NELL1: variants seen among roughly 807,000 people sequenced by gnomAD.
The protein encoded by NELL1 is protein kinase C-binding protein NELL1.
Under a neutral mutation model 107.4 loss-of-function variants are expected in NELL1, and 76 were observed. The ratio of observed to expected loss-of-function variants is 0.71; its 90% CI spans 0.59 to 0.86. The LOEUF is 0.86. Ranked by LOEUF, NELL1 falls within the 40% of genes least tolerant of loss-of-function variation. NELL1 has a pLI of 0.00. For synonymous variants in NELL1, 353 were observed against 341.2 expected, an observed-to-expected ratio of 1.03 and a Z score of -0.38; for missense variants, 1,024 against 1,005.5, an observed-to-expected ratio of 1.02 and a Z score of -0.25.
intron 3 of NELL1, among the ~76,000 whole-genome samples, chr11:20,802,315 A>C (rs1366796118): frequency 2.0e-5 from 3 of 151,488 alleles, no homozygotes; most frequent in African/African-American, 7.3e-5. Context: ...TTTTTGGTTA[A>C]TTCCTAAGTA....
intron 12 of NELL1, among the ~76,000 whole-genome samples, chr11:21,101,452 A>G (rs867216309): frequency 6.6e-6 from 1 of 152,168 alleles, no homozygotes; most frequent in Non-Finnish European, 1.5e-5. Flanking sequence ...TACAGTCCCA[A>G]CAACAGTGTA....
chr11:20,697,331 C>T (rs181625354), intron 2 of NELL1, among the ~76,000 whole-genome samples: 5 of 150,980 alleles, frequency 3.3e-5, no homozygotes, highest in Non-Finnish European at 7.4e-5. Flanking sequence ...GAGGATGTGT[C>T]ATCGGTGGTT....
intron 14 of NELL1, among the ~76,000 whole-genome samples, chr11:21,282,156 A>C (rs1849010630): frequency 2.0e-5 from 3 of 152,220 alleles, no homozygotes; most frequent in African/African-American, 7.2e-5. Flanking sequence ...ATAGGAAAAA[A>C]AAATCTAACA....
chr11:21,035,417 C>A (rs947877231), intron 12 of NELL1, among the ~76,000 whole-genome samples: 18 of 143,512 alleles, frequency 1.3e-4, no homozygotes, highest in African/African-American at 4.1e-4. Context: ...AGAGACACAA[C>A]AAAAAAAATA....
At chr11:21,562,046 A>G (rs1262639429) in intron 17 of NELL1, among the ~76,000 whole-genome samples, 1 of 152,016 alleles carries the variant, frequency 6.6e-6, no homozygotes, top group Admixed American at 6.6e-5. Flanking sequence ...ATATCCTCAC[A>G]TCCTTTTTGG....
intron 15 of NELL1, among the ~76,000 whole-genome samples, chr11:21,480,946 T>C (rs1284138869): frequency 1.3e-5 from 2 of 152,208 alleles, no homozygotes; most frequent in Non-Finnish European, 2.9e-5. Context: ...GGTTTATGAC[T>C]ATATGTATAT....
chr11:20,746,026 G>T (rs1277820166), intron 2 of NELL1, among the ~76,000 whole-genome samples: 3 of 152,148 alleles, frequency 2.0e-5, no homozygotes, highest in African/African-American at 7.2e-5. Flanking sequence ...TAAGAAGATA[G>T]GTGAGCAAGG....
At chr11:20,915,032 T>G (rs1490440691) in intron 5 of NELL1, among the ~76,000 whole-genome samples, 3 of 152,068 alleles carry the variant, frequency 2.0e-5, no homozygotes, top group African/African-American at 7.2e-5. Context: ...TTCAATAATT[T>G]GATGCTTTAG....
intron 12 of NELL1, among the ~76,000 whole-genome samples, chr11:21,100,910 A>T (rs1854789909): frequency 6.6e-6 from 1 of 152,122 alleles, no homozygotes; most frequent in South Asian, 2.1e-4. Context: ...ACATATGTAT[A>T]CATGTGCCAT....
At chr11:21,489,382 A>G (rs1272001534) in intron 15 of NELL1, among the ~76,000 whole-genome samples, 38 of 50,466 alleles carry the variant, frequency 7.5e-4, no homozygotes, top group Middle Eastern at 8.6e-3. Flanking sequence ...AAGTATTTCA[A>G]AAAAAAAAAA....
chr11:21,471,291 T>C (rs1260933267), intron 15 of NELL1, among the ~76,000 whole-genome samples: 1 of 152,062 alleles, frequency 6.6e-6, no homozygotes, highest in Non-Finnish European at 1.5e-5. Flanking sequence ...AAAAAGTAGC[T>C]TGGAGGATGG....
intron 15 of NELL1, among the ~76,000 whole-genome samples, chr11:21,384,282 T>C (rs1851682054): frequency 1.3e-5 from 2 of 151,830 alleles, no homozygotes; most frequent in South Asian, 4.1e-4. Flanking sequence ...CCATTTTCAC[T>C]GCGTAAAAGT....
intron 2 of NELL1, among the ~76,000 whole-genome samples, chr11:20,764,384 G>A (rs1161767016): frequency 6.6e-6 from 1 of 152,036 alleles, no homozygotes; most frequent in African/African-American, 2.4e-5. Context: ...TGGCACTGTG[G>A]ACTTGGTGAA....
At chr11:20,781,105 G>T (rs1856841706) in intron 2 of NELL1, among the ~76,000 whole-genome samples, 1 of 152,152 alleles carries the variant, frequency 6.6e-6, no homozygotes, top group African/African-American at 2.4e-5. Flanking sequence ...AAGTGCCCTA[G>T]GGAGCAATGA....
intron 2 of NELL1, among the ~76,000 whole-genome samples, chr11:20,743,657 C>A (rs1196940376): frequency 1.4e-4 from 21 of 152,152 alleles, no homozygotes; most frequent in Non-Finnish European, 1.5e-5. Context: ...TTCCCTGTAA[C>A]CTTTGCTGGC....
At chr11:21,173,787 G>A (rs1333429605) in intron 13 of NELL1, among the ~76,000 whole-genome samples, 1 of 151,534 alleles carries the variant, frequency 6.6e-6, no homozygotes, top group Non-Finnish European at 1.5e-5. Context: ...GTGTGTCTGT[G>A]ACTGTCTGTG....
intron 12 of NELL1, among the ~76,000 whole-genome samples, chr11:21,090,976 C>T (rs1460536089): frequency 6.6e-6 from 1 of 152,184 alleles, no homozygotes; most frequent in Non-Finnish European, 1.5e-5. Flanking sequence ...CTTTTCAAAC[C>T]TTAGTTTCCT....
intron 2 of NELL1, among the ~76,000 whole-genome samples, chr11:20,730,837 G>T (rs998209552): frequency 1.3e-5 from 2 of 152,312 alleles, no homozygotes; most frequent in East Asian, 3.9e-4. Flanking sequence ...GAGGCTGGAT[G>T]AGGAGTATAG....
chr11:21,341,842 T>C (rs1161656773), intron 14 of NELL1, among the ~76,000 whole-genome samples: 6 of 152,230 alleles, frequency 3.9e-5, no homozygotes, highest in Admixed American at 3.3e-4. Flanking sequence ...AATCTTTATA[T>C]GTAATAATAC....
Sources: allele counts gnomAD v4.1 joint callset (sites outside exome capture counted in the v4.1 genomes callset), GRCh38; gene constraint gnomAD v4.1.1; transcripts MANE v1.5; gene names NCBI Gene and HGNC (gene_info 2026-07-23, HGNC 2026-07-21).